Variants in LRRC9 observed in about 807,000 individuals in gnomAD.
LRRC9 encodes leucine rich repeat containing 9.
A neutral mutation model predicts 63.2 loss-of-function variants in LRRC9; 122 were observed. That is an observed-to-expected ratio of 1.93 (90% CI 1.67 to 2.24). The LOEUF (loss-of-function observed/expected upper bound fraction) is 2.24. Ranked by LOEUF, LRRC9 falls within the 30% of genes most tolerant of loss-of-function variation. LRRC9 has a pLI of 0.00. For synonymous variants in LRRC9, 366 were observed against 213.1 expected, an observed-to-expected ratio of 1.72 and a Z score of -6.25; for missense variants, 1,071 against 627.7, an observed-to-expected ratio of 1.71 and a Z score of -7.55.
chr14:59,969,777 C>G (rs1239375911), intron 12 of LRRC9, among the ~76,000 whole-genome samples: 2 of 152,134 alleles, frequency 1.3e-5, no homozygotes, highest in African/African-American at 4.8e-5. Flanking sequence ...GAGTTCATTC[C>G]CTACCGAATA....
intron 29 of LRRC9, among the ~76,000 whole-genome samples, chr14:60,044,672 T>C (rs1893256600): frequency 6.6e-6 from 1 of 152,202 alleles, no homozygotes; most frequent in Admixed American, 6.5e-5. Flanking sequence ...TATTTGTTTT[T>C]CAGAATTTGT....
chr14:60,041,416 CT>C (rs377252519), intron 29 of LRRC9, among the ~76,000 whole-genome samples: 6 of 152,206 alleles, frequency 3.9e-5, no homozygotes, highest in African/African-American at 1.4e-4. Context: ...TAGATATGGT[CT>C]TTTCACATAG....
At chr14:59,952,023 T>C (rs977220785) in intron 8 of LRRC9, among the ~76,000 whole-genome samples, 2 of 151,930 alleles carry the variant, frequency 1.3e-5, no homozygotes, top group Non-Finnish European at 2.9e-5. Flanking sequence ...TGTGGTGGGC[T>C]CCACCCAGTT....
At position 59,966,454 on chromosome 14, in the gene LRRC9, T is replaced by C. The variant is rs968928383; in HGVS notation, c.1212-135T>C. On this transcript the variant is annotated intron_variant, in intron 10 of 31. Coordinates refer to ENST00000445360, the Ensembl canonical transcript of LRRC9. The surrounding 1 kb of genome is among the most constrained non-coding windows in gnomAD (Gnocchi z 4.0). ...TAAATGAATAAATAAACGGAGCCACTATATGATTACTGTATCTTTAGCAAA... is the reference window on the plus strand; with the variant it reads ...TAAATGAATAAATAAACGGAGCCACCATATGATTACTGTATCTTTAGCAAA... The C allele has an allele frequency of 1.8e-5, 8 of 438,692 alleles. No individual in the cohort carries two copies. Among genetic ancestry groups the C allele is most frequent in the African/African-American group, 4.0e-5 (2 of 50,210 alleles). The allele number at this position is 438,692 out of a possible 1,614,324, so 27.2% of individuals were successfully genotyped here. A position where few individuals can be genotyped will look rare whatever the true frequency, so the allele number is the denominator to read the frequency against.
At chr14:60,019,301 G>A in intron 26 of LRRC9, 41 bp downstream of exon 26, 1 of 650,188 alleles carries the variant, frequency 1.5e-6, no homozygotes, top group Non-Finnish European at 2.8e-6. Flanking sequence ...AATTTTGGCT[G>A]GGAATTTTAA....
At chr14:59,955,599 G>A (rs1018587719) in intron 8 of LRRC9, among the ~76,000 whole-genome samples, 2 of 152,026 alleles carry the variant, frequency 1.3e-5, no homozygotes, top group African/African-American at 4.8e-5. Context: ...CCAGCTCTGG[G>A]ATTCATTGAT....
intron 29 of LRRC9, among the ~76,000 whole-genome samples, chr14:60,046,157 G>T (rs929018866): frequency 6.6e-6 from 1 of 152,110 alleles, no homozygotes; most frequent in Non-Finnish European, 1.5e-5. Context: ...GTTCCTTGTA[G>T]ACTCTGAATA....
Position 59,986,792 on chromosome 14 carries a change from C to T in LRRC9, c.2211+1568C>T, listed in dbSNP as rs1274944359. Among the ~76,000 whole-genome samples the T allele has an allele frequency of 1.3e-5, 2 of 152,096 alleles. No homozygotes were observed. Among genetic ancestry groups the T allele is most frequent in the Non-Finnish European group, 2.9e-5 (2 of 68,004 alleles). ...AAAATTATTTTCATTATCATAGCCT[C>T]ACAGTCTACTTGTTAAATGACTATA... On this transcript the variant is annotated intron_variant, in intron 17 of 31. Coordinates refer to ENST00000445360, the Ensembl canonical transcript of LRRC9. The surrounding 1 kb of genome is among the most constrained non-coding windows in gnomAD (Gnocchi z 4.7).
At chr14:59,974,365 C>A (rs1231317299) in intron 12 of LRRC9, among the ~76,000 whole-genome samples, 2 of 152,040 alleles carry the variant, frequency 1.3e-5, no homozygotes, top group Non-Finnish European at 2.9e-5. Flanking sequence ...TCTGCATCAC[C>A]TTTTATTAAC....
chr14:60,016,118 G>T (rs1890663227), intron 23 of LRRC9, among the ~76,000 whole-genome samples: 1 of 152,066 alleles, frequency 6.6e-6, no homozygotes, highest in African/African-American at 2.4e-5. Context: ...AAAATCCAGG[G>T]TGTCATTCCT....
Position 59,966,860 on chromosome 14 carries a change from A to G in LRRC9, c.1388+95A>G, listed in dbSNP as rs1350084244. The G allele has an allele frequency of 1.8e-6, 1 of 559,752 alleles. No individual in the cohort carries two copies. Among genetic ancestry groups the G allele is most frequent in the East Asian group, 2.8e-5 (1 of 36,068 alleles). 34.7% of individuals were successfully genotyped at this position (559,752 alleles called of 1,614,324 possible). ...AAAGTTTACAGCATTAAAAATATAC[A>G]TATACCTTGTTAGTAAATGTTTCCT... On this transcript the variant is annotated intron_variant, in intron 11 of 31. Transcript: ENST00000445360. The surrounding 1 kb of genome is among the most constrained non-coding windows in gnomAD (Gnocchi z 4.0).
At position 59,942,774 on chromosome 14, in the gene LRRC9, C is replaced by G. The variant is rs373703421; in HGVS notation, c.727-1815C>G. 5.0e-3 allele frequency among the ~76,000 whole-genome samples: 755 copies of G among 151,664 alleles called. 14 individuals are homozygous for G. The highest frequency in any genetic ancestry group is 0.017 in the African/African-American group (714 of 41,150). The stretch of plus-strand genomic sequence containing the variant: ...TCTGCATCCTCGCCAGCATCTCTCT[C>G]TCTCTTTTTTTTTTCTGTCTTTTTG... On this transcript the variant is annotated intron_variant, in intron 7 of 31. Transcript: ENST00000445360. The surrounding 1 kb of genome is among the most constrained non-coding windows in gnomAD (Gnocchi z 5.3).
intron 27 of LRRC9, among the ~76,000 whole-genome samples, chr14:60,026,537 C>T (rs532761078): frequency 1.3e-5 from 2 of 152,126 alleles, no homozygotes; most frequent in African/African-American, 2.4e-5. Context: ...CTCTTCACTT[C>T]GTTGATTGTT....
intron 12 of LRRC9, among the ~76,000 whole-genome samples, chr14:59,972,005 T>C (rs1254453854): frequency 6.6e-6 from 1 of 152,154 alleles, no homozygotes; most frequent in Non-Finnish European, 1.5e-5. Flanking sequence ...AATGATGATG[T>C]CCACATTCCT....
At position 60,042,492 on chromosome 14, in the gene LRRC9, T is replaced by C. The variant is rs993875249; in HGVS notation, c.3990+10429T>C. ...GCCTCGCTGCTGCCTTGCAGTTCGA[T>C]CTCAGACTGCTGTGCTGGCAGTGAG... On this transcript the variant is annotated intron_variant, in intron 29 of 31. Transcript: ENST00000445360. This position sits in a 1 kb window ranked among gnomAD's most constrained non-coding sequence, Gnocchi z 4.2. 6.6e-6 allele frequency among the ~76,000 whole-genome samples: 1 copy of C among 152,188 alleles called. No individual in the cohort carries two copies. The highest frequency in any genetic ancestry group is 1.5e-5 in the Non-Finnish European group (1 of 68,026).
intron 3 of LRRC9, among the ~76,000 whole-genome samples, chr14:59,928,729 A>G (rs1889423878): frequency 6.6e-6 from 1 of 152,140 alleles, no homozygotes; most frequent in Middle Eastern, 3.2e-3. Flanking sequence ...AAACAGACAC[A>G]TAGACCAATG....
intron 8 of LRRC9, among the ~76,000 whole-genome samples, chr14:59,948,346 G>C (rs911919446): frequency 1.4e-5 from 2 of 144,432 alleles, no homozygotes; most frequent in Non-Finnish European, 3.0e-5. Context: ...TGTGATTTTT[G>C]TACATTAATT....
intron 30 of LRRC9, among the ~76,000 whole-genome samples, chr14:60,054,413 C>T (rs574248273): frequency 1.2e-4 from 18 of 152,056 alleles, no homozygotes; most frequent in South Asian, 8.3e-4. Context: ...CCCCTTCCAA[C>T]GCCCTCCCCC....
intron 5 of LRRC9, 57 bp from the exon 6 acceptor site, chr14:59,931,912 T>A: frequency 1.5e-6 from 1 of 688,202 alleles, no homozygotes; most frequent in Admixed American, 2.1e-5. Context: ...CTCAGAAGTA[T>A]GACAGAATAT....
Sources: gnomAD v4.1 joint callset for allele counts (sites outside exome capture counted in the v4.1 genomes callset) on GRCh38, gnomAD v4.1.1 for gene constraint, Gnocchi (gnomAD v3.1) non-coding constraint, MANE v1.5 for transcripts, NCBI Gene and HGNC (gene_info 2026-07-23, HGNC 2026-07-21) for gene names.